Variants in ZC3H15 observed in about 807,000 individuals in gnomAD.
The protein encoded by ZC3H15 is zinc finger CCCH-type containing 15, also known as zinc finger CCCH domain-containing protein 15.
ZC3H15 carries 15 observed loss-of-function variants against 51.2 expected under a neutral mutation model. The observed-to-expected ratio is 0.29, with a 90% CI of 0.20 to 0.45. ZC3H15 has a LOEUF of 0.45. Among genes scored for constraint, ZC3H15 ranks in the 20% least tolerant of loss-of-function variants. The pLI is 1.00. For missense variants in ZC3H15, 381 were observed against 494.7 expected (o/e 0.77, Z 2.18); for synonymous variants, 144 against 162.8 (o/e 0.88, Z 0.88).
intron 1 of ZC3H15, among the ~76,000 whole-genome samples, chr2:186,487,678 C>G (rs1395669041): frequency 3.3e-5 from 5 of 152,158 alleles, no homozygotes; most frequent in Non-Finnish European, 7.4e-5. Context: ...ATTCGTGGCA[C>G]TTAGGTAAAT....
At chr2:186,501,204 T>C (rs1432080729) in intron 3 of ZC3H15, 69 bp from the exon 4 acceptor site, 4 of 1,442,456 alleles carry the variant, frequency 2.8e-6, no homozygotes, top group Admixed American at 4.8e-5. Context: ...ATTCATCATA[T>C]TTCAGGTAGA....
At chr2:186,499,181 T>C (rs972349270) in intron 2 of ZC3H15, among the ~76,000 whole-genome samples, 1 of 152,346 alleles carries the variant, frequency 6.6e-6, no homozygotes, top group South Asian at 2.1e-4. Flanking sequence ...TTGTGTTTTA[T>C]TGTGTACAGC....
At chr2:186,499,924 T>A (rs948781612) in intron 2 of ZC3H15, among the ~76,000 whole-genome samples, 11 of 152,216 alleles carry the variant, frequency 7.2e-5, no homozygotes, top group African/African-American at 2.7e-4. Context: ...TTGCTAAAAA[T>A]GCTGAGCATG....
Position 186,500,924 on chromosome 2 carries a change from C to T in ZC3H15, c.290-349C>T, listed in dbSNP as rs371872513. On this transcript the variant is annotated intron_variant, in intron 3 of 9. Transcript: ENST00000337859. The stretch of plus-strand genomic sequence containing the variant: ...TCCTGACCTCGTTATCTGTCTGCCT[C>T]GGCCTCCCAGAGTGCTGGAATTACA... Among the ~76,000 whole-genome samples the T allele has an allele frequency of 4.6e-5, 7 of 152,170 alleles. No individual in the cohort carries two copies. In the South Asian group the frequency reaches 1.0e-3, roughly 22 times the overall value.
intron 1 of ZC3H15, among the ~76,000 whole-genome samples, chr2:186,493,416 T>G (rs1451812950): frequency 1.3e-5 from 2 of 152,148 alleles, no homozygotes; most frequent in Admixed American, 1.3e-4. Flanking sequence ...TTTCTCTTGT[T>G]TACAGTTAGA....
At chr2:186,500,057 T>A (rs1407948079) in intron 2 of ZC3H15, 125 bp from the exon 3 acceptor site, 1 of 756,928 alleles carries the variant, frequency 1.3e-6, no homozygotes, top group Non-Finnish European at 2.1e-6. Flanking sequence ...AAGGCCATTA[T>A]AACACTGATG....
chr2:186,496,850 A>C (rs1353308920), intron 2 of ZC3H15, among the ~76,000 whole-genome samples: 1 of 152,236 alleles, frequency 6.6e-6, no homozygotes, highest in Non-Finnish European at 1.5e-5. Flanking sequence ...ATGGTATTAT[A>C]ACCTTACAGG....
chr2:186,486,774 G>A (rs1321579954), intron 1 of ZC3H15: 1 of 329,558 alleles, frequency 3.0e-6, no homozygotes, highest in Non-Finnish European at 5.5e-6. Flanking sequence ...CAGAATTGAG[G>A]AGATTTTCCA....
chr2:186,506,727 G>A lies in ZC3H15; in HGVS notation c.981G>A (p.Val327=), dbSNP rs759249057. ...GTGGDEVDDS[V]SVNDIDLSLY... is the part of the protein sequence containing the mutation. ...TGTTGTTAAAGGTTGATGATTCAGT[G>A]AGTGTAAATGACATAGATTTAAGCC... Residue 327 remains valine, a synonymous_variant, in exon 9 of 10, where the codon GTG becomes GTA. Coordinates refer to ENST00000337859, the MANE Select transcript of ZC3H15 (RefSeq NM_018471.3). 3 of 1,609,940 alleles carry A rather than the reference G, an allele frequency of 1.9e-6. No individual in the cohort carries two copies. The highest frequency in any genetic ancestry group is 1.1e-5 in the South Asian group (1 of 90,570).
At position 186,509,180 on chromosome 2, in the gene ZC3H15, G is replaced by A. The variant is rs1325994593; in HGVS notation, c.*447G>A. The A allele has an allele frequency of 1.5e-5, 5 of 343,778 alleles. No individual in the cohort carries two copies. Among genetic ancestry groups the A allele is most frequent in the Admixed American group, 1.2e-4 (3 of 25,222 alleles). 21.3% of individuals were successfully genotyped at this position (343,778 alleles called of 1,614,324 possible). On this transcript the variant is annotated 3_prime_UTR_variant, in exon 10 of 10. Coordinates refer to ENST00000337859, the MANE Select transcript of ZC3H15 (RefSeq NM_018471.3). ...AAACATGAGCACTGTACTTCATAAA[G>A]GAAACTGCGTATGCAGATTCAGTAT...
At chr2:186,494,460 G>A (rs1244074455) in intron 1 of ZC3H15, among the ~76,000 whole-genome samples, 2 of 152,164 alleles carry the variant, frequency 1.3e-5, no homozygotes, top group Non-Finnish European at 2.9e-5. Flanking sequence ...GATACTCTGA[G>A]TAAAAATGGA....
intron 1 of ZC3H15, among the ~76,000 whole-genome samples, chr2:186,487,720 T>C (rs1685124249): frequency 6.6e-6 from 1 of 152,200 alleles, no homozygotes; most frequent in Non-Finnish European, 1.5e-5. Context: ...GGCATTCACT[T>C]TTATGAAAAC....
intron 1 of ZC3H15, chr2:186,488,666 A>G (rs557209478): frequency 1.3e-5 from 2 of 152,388 alleles, no homozygotes; most frequent in East Asian, 1.9e-4. Context: ...GTGTTTGTTA[A>G]AATCTCGGCA....
At chr2:186,488,827 T>TG (rs1685149868) in intron 1 of ZC3H15, 1 of 135,644 alleles carries the variant, frequency 7.4e-6, no homozygotes, top group South Asian at 2.4e-4. Flanking sequence ...GTGTGTCTAT[T>TG]TCTCTGGGAA....
chr2:186,486,794 GTGAAGAAATA>G (rs1211024386), intron 1 of ZC3H15: 6 of 290,208 alleles, frequency 2.1e-5, no homozygotes, highest in Non-Finnish European at 1.3e-5. Flanking sequence ...AAGGTTATGT[GTGAAGAAATA>G]CGCTGAACGG....
chr2:186,497,426 G>A (rs1685300441), intron 2 of ZC3H15, among the ~76,000 whole-genome samples: 1 of 152,182 alleles, frequency 6.6e-6, no homozygotes, highest in South Asian at 2.1e-4. Flanking sequence ...GCTCACGCCT[G>A]TAATCCCAGC....
chr2:186,488,840 A>T (rs1685150161), intron 1 of ZC3H15: 1 of 152,452 alleles, frequency 6.6e-6, no homozygotes, highest in South Asian at 2.1e-4. Context: ...TCTGGGAAGG[A>T]CTGGTCTTGA....
intron 5 of ZC3H15, among the ~76,000 whole-genome samples, chr2:186,503,239 G>C (rs1685415330): frequency 6.6e-6 from 1 of 152,118 alleles, no homozygotes; most frequent in South Asian, 2.1e-4. Flanking sequence ...CTTAATACTT[G>C]AGGCTTAAAT....
chr2:186,504,310 G>GA (rs368068184), intron 6 of ZC3H15, 96 bp downstream of exon 6: 2,554 of 953,642 alleles, frequency 2.7e-3, no homozygotes, highest in Middle Eastern at 5.2e-3. Flanking sequence ...TTTATGAAAG[G>GA]AAAAAAAAAA....
Sources: allele counts gnomAD v4.1 joint callset (sites outside exome capture counted in the v4.1 genomes callset), GRCh38; gene constraint gnomAD v4.1.1; transcripts MANE v1.5; gene names NCBI Gene and HGNC (gene_info 2026-07-23, HGNC 2026-07-21).